The following OR2M3 variants were observed in gnomAD, a reference collection of about 807,000 sequenced individuals.
OR2M3 encodes the protein olfactory receptor 2M3.
In OR2M3, 1 loss-of-function variant was observed where a neutral mutation model predicts 4.3. That is an observed-to-expected ratio of 0.23 (90% CI 0.08 to 1.11). The LOEUF (loss-of-function observed/expected upper bound fraction) is 1.11, where lower values mean the gene tolerates loss of function less well. Ranked by LOEUF, OR2M3 falls within the 50% of genes most tolerant of loss-of-function variation. OR2M3 has a pLI of 0.54. For synonymous variants in OR2M3, 151 were observed against 139.4 expected, an observed-to-expected ratio of 1.08 and a Z score of -0.59; for missense variants, 410 against 390.4, an observed-to-expected ratio of 1.05 and a Z score of -0.42.
Position 248,203,389 on chromosome 1 carries a change from C to T in OR2M3, c.322C>T (p.Leu108Phe). The T allele has an allele frequency of 6.2e-7, 1 of 1,614,076 alleles. No homozygotes were observed. Among genetic ancestry groups the T allele is most frequent in the Non-Finnish European group, 8.5e-7 (1 of 1,179,984 alleles). Reference protein sequence around the residue: ...ATQIFFYTSLLGSECFLLAVM... With the variant: ...ATQIFFYTSLFGSECFLLAVM... ...ACAAATTTTCTTCTATACATCACTG[C>T]TTGGCTCTGAGTGCTTTCTTTTGGC... is the stretch of plus-strand genomic sequence containing the variant. The change falls in exon 2 of 2, where the codon CTT becomes TTT. Residue 108 changes from leucine to phenylalanine, a missense_variant. Physicochemically the swap from Leu to Phe is conservative, Grantham distance 22. Transcript: ENST00000641626.
chr1:248,200,649 C>T (rs140773398), intron 1 of OR2M3, among the ~76,000 whole-genome samples: 7 of 152,282 alleles, frequency 4.6e-5, no homozygotes, highest in African/African-American at 1.4e-4. Flanking sequence ...TATCCTATCT[C>T]ATGAGTGTCA....
rs1666225761 is a variant in OR2M3, at chr1:248,206,520, T to A, written c.*2514T>A. On this transcript the variant is annotated 3_prime_UTR_variant, in exon 2 of 2. Transcript: ENST00000641626. ...GCTTAGAATTTTAATTGTAAAGGGA[T>A]GTGGGATTTCATCAAATGCTTTTTC... 1 of 152,096 alleles carries A rather than the reference T, an allele frequency of 6.6e-6. No homozygotes were observed. 9.4% of individuals were successfully genotyped at this position (152,096 alleles called of 1,614,324 possible).
In OR2M3 at chr1:248,207,162, T is replaced by A. The variant is rs888213264; in HGVS notation, c.*3156T>A. 1.3e-5 allele frequency: 2 copies of A among 152,092 alleles called. No individual in the cohort carries two copies. Among genetic ancestry groups the A allele is most frequent in the Non-Finnish European group, 2.9e-5 (2 of 67,984 alleles). The allele number at this position is 152,092 out of a possible 1,614,324, so 9.4% of individuals were successfully genotyped here. On this transcript the variant is annotated 3_prime_UTR_variant, in exon 2 of 2. Transcript: ENST00000641626. ...ATGGAATCAATTGTAATATCTCCCT[T>A]TTCATTTCTAATTGTGTTTATTTGC... is the stretch of plus-strand genomic sequence containing the variant.
At position 248,205,589 on chromosome 1, in the gene OR2M3, G is replaced by T. The variant is rs1253787179; in HGVS notation, c.*1583G>T. On this transcript the variant is annotated 3_prime_UTR_variant, in exon 2 of 2. Coordinates refer to ENST00000641626, the MANE Select transcript of OR2M3 (RefSeq NM_001004689.2). Reference sequence around the variant, plus strand: ...TCATGTTTTTGTTTGTGTTGTTGAAGATCAGATGGCTGTAAGTATTTTGGT... The same window carrying T: ...TCATGTTTTTGTTTGTGTTGTTGAATATCAGATGGCTGTAAGTATTTTGGT... 4.6e-5 allele frequency: 7 copies of T among 152,108 alleles called. No individual in the cohort carries two copies. The East Asian group carries it at 1.4e-3, about 29-fold the overall frequency. The allele number at this position is 152,108 out of a possible 1,614,324, so 9.4% of individuals were successfully genotyped here. A position where few individuals can be genotyped will look rare whatever the true frequency, so the allele number is the denominator to read the frequency against.
intron 1 of OR2M3, among the ~76,000 whole-genome samples, chr1:248,202,037 C>T (rs1666163549): frequency 6.6e-6 from 1 of 151,994 alleles, no homozygotes; most frequent in Non-Finnish European, 1.5e-5. Flanking sequence ...TATTAGTTTC[C>T]TAGGAATGCC....
Position 248,206,535 on chromosome 1 carries a change from A to C in OR2M3, c.*2529A>C, listed in dbSNP as rs1401790242. On this transcript the variant is annotated 3_prime_UTR_variant, in exon 2 of 2. Coordinates refer to ENST00000641626, the MANE Select transcript of OR2M3 (RefSeq NM_001004689.2). Reference sequence around the variant, plus strand: ...TGTAAAGGGATGTGGGATTTCATCAAATGCTTTTTCTCTGTCTATTGAGAT... The same window carrying C: ...TGTAAAGGGATGTGGGATTTCATCACATGCTTTTTCTCTGTCTATTGAGAT... 1 of 152,046 alleles carries C rather than the reference A, an allele frequency of 6.6e-6. No homozygotes were observed. The highest frequency in any genetic ancestry group is 2.4e-5 in the African/African-American group (1 of 41,396). The allele number at this position is 152,046 out of a possible 1,614,324, so 9.4% of individuals were successfully genotyped here. A position where few individuals can be genotyped will look rare whatever the true frequency, so the allele number is the denominator to read the frequency against.
At position 248,208,426 on chromosome 1, in the gene OR2M3, T is replaced by C. The variant is rs574163947; in HGVS notation, c.*4420T>C. The C allele has an allele frequency of 1.3e-5, 2 of 152,298 alleles. No homozygotes were observed. Among genetic ancestry groups the C allele is most frequent in the East Asian group, 3.9e-4 (2 of 5,188 alleles). The allele number at this position is 152,298 out of a possible 1,614,324, so 9.4% of individuals were successfully genotyped here. ...ATTGTTATATAGGTCCTGTAATATT[T>C]ATGCTTTAAGGAGGCTCTATTTGGT... On this transcript the variant is annotated 3_prime_UTR_variant, in exon 2 of 2. Coordinates refer to ENST00000641626, the MANE Select transcript of OR2M3 (RefSeq NM_001004689.2).
chr1:248,202,006 C>A (rs1043144672), intron 1 of OR2M3, among the ~76,000 whole-genome samples: 6 of 151,940 alleles, frequency 3.9e-5, no homozygotes, highest in Non-Finnish European at 7.4e-5. Flanking sequence ...TGTACTCATT[C>A]TCTAGAGGAG....
At chr1:248,199,255 C>A (rs1405592752) in intron 1 of OR2M3, among the ~76,000 whole-genome samples, 1 of 151,992 alleles carries the variant, frequency 6.6e-6, no homozygotes, top group Non-Finnish European at 1.5e-5. Flanking sequence ...TATGTGAATA[C>A]TTTTGATATG....
chr1:248,209,406 G>T lies in OR2M3; in HGVS notation c.*5400G>T, dbSNP rs1666255842. ...CAGAACCTTGTTTTATCATATTACAGAATTTTTTTTTCTGGTTCCTTCTTA... is the reference window on the plus strand; with the variant it reads ...CAGAACCTTGTTTTATCATATTACATAATTTTTTTTTCTGGTTCCTTCTTA... On this transcript the variant is annotated 3_prime_UTR_variant, in exon 2 of 2. Transcript: ENST00000641626. The T allele has an allele frequency of 6.7e-6, 1 of 150,006 alleles. No homozygotes were observed. Among genetic ancestry groups the T allele is most frequent in the South Asian group, 2.1e-4 (1 of 4,832 alleles). The allele number at this position is 150,006 out of a possible 1,614,324, so 9.3% of individuals were successfully genotyped here.
At chr1:248,199,365 A>C (rs534255574) in intron 1 of OR2M3, among the ~76,000 whole-genome samples, 53 of 152,252 alleles carry the variant, frequency 3.5e-4, no homozygotes, top group Non-Finnish European at 6.9e-4. Context: ...ACAGTGCTGC[A>C]ACTCAAAATA....
rs571648922 is a variant in OR2M3 at position 248,205,013 on chromosome 1, G to A, written c.*1007G>A. ...TGGTATTGCATTGTGGTTTTGATTT[G>A]CATTTCCCTGATAATTAGTGATGTC... On this transcript the variant is annotated 3_prime_UTR_variant, in exon 2 of 2. Coordinates refer to ENST00000641626, the MANE Select transcript of OR2M3 (RefSeq NM_001004689.2). The A allele has an allele frequency of 1.3e-5, 2 of 152,116 alleles. No homozygotes were observed. Among genetic ancestry groups the A allele is most frequent in the East Asian group, 3.9e-4 (2 of 5,180 alleles). 9.4% of individuals were successfully genotyped at this position (152,116 alleles called of 1,614,324 possible).
Position 248,204,157 on chromosome 1 carries a change from CTAT to C in OR2M3, c.*155_*157del. The C allele has an allele frequency of 3.5e-6, 2 of 577,194 alleles. No individual in the cohort carries two copies. Among genetic ancestry groups the C allele is most frequent in the Non-Finnish European group, 2.9e-6 (1 of 342,022 alleles). The allele number at this position is 577,194 out of a possible 1,614,324, so 35.8% of individuals were successfully genotyped here. A position where few individuals can be genotyped will look rare whatever the true frequency, so the allele number is the denominator to read the frequency against. ...ACCTATATAATTTATTTCAGATAAA[CTAT>C]TATAACTATTTATTATTTTATATTC... On this transcript the variant is annotated 3_prime_UTR_variant, in exon 2 of 2. Coordinates refer to ENST00000641626, the MANE Select transcript of OR2M3 (RefSeq NM_001004689.2).
rs1666290053 is a variant in OR2M3 at position 248,212,258 on chromosome 1, A to G, written c.*8252A>G. The G allele has an allele frequency of 6.6e-6, 1 of 152,180 alleles. No individual in the cohort carries two copies. The highest frequency in any genetic ancestry group is 2.1e-4 in the South Asian group (1 of 4,822). 9.4% of individuals were successfully genotyped at this position (152,180 alleles called of 1,614,324 possible). On this transcript the variant is annotated 3_prime_UTR_variant, in exon 2 of 2. Transcript: ENST00000641626. ...TATTAATTCATAATGCTATACATTA[A>G]TGACTCTAGAATATGCATCACAACC...
rs759986972 is a variant in OR2M3, at chr1:248,206,139, G to A, written c.*2133G>A. The A allele has an allele frequency of 2.0e-5, 3 of 151,956 alleles. No homozygotes were observed. The highest frequency in any genetic ancestry group is 6.6e-5 in the Admixed American group (1 of 15,250). The allele number at this position is 151,956 out of a possible 1,614,324, so 9.4% of individuals were successfully genotyped here. The stretch of plus-strand genomic sequence containing the variant: ...GTATATAGCAGAGCTACTGATTTGT[G>A]TACATTAATTGTGTGTCCTGAAACT... On this transcript the variant is annotated 3_prime_UTR_variant, in exon 2 of 2. Coordinates refer to ENST00000641626, the MANE Select transcript of OR2M3 (RefSeq NM_001004689.2).
chr1:248,211,359 T>C lies in OR2M3; in HGVS notation c.*7353T>C, dbSNP rs547023388. 3.9e-5 allele frequency: 6 copies of C among 152,246 alleles called. No homozygotes were observed. The highest frequency in any genetic ancestry group is 6.5e-5 in the Admixed American group (1 of 15,288). The allele number at this position is 152,246 out of a possible 1,614,324, so 9.4% of individuals were successfully genotyped here. A position where few individuals can be genotyped will look rare whatever the true frequency, so the allele number is the denominator to read the frequency against. On this transcript the variant is annotated 3_prime_UTR_variant, in exon 2 of 2. Transcript: ENST00000641626. ...TCACACACTGATCCAACAGAGAAATTGTTTCATTATTTAAATTCTCAGTGG... is the reference window on the plus strand; with the variant it reads ...TCACACACTGATCCAACAGAGAAATCGTTTCATTATTTAAATTCTCAGTGG...
chr1:248,197,969 T>A (rs186304820), intron 1 of OR2M3, among the ~76,000 whole-genome samples: 1 of 152,202 alleles, frequency 6.6e-6, no homozygotes, highest in Admixed American at 6.5e-5. Flanking sequence ...TGAAAAAGAA[T>A]CTGAAATCTG....
rs1666203509 is a variant in OR2M3, at chr1:248,204,493, G to C, written c.*487G>C. 1 of 152,764 alleles carries C rather than the reference G, an allele frequency of 6.5e-6. No homozygotes were observed. Among genetic ancestry groups the C allele is most frequent in the African/African-American group, 2.4e-5 (1 of 41,332 alleles). The allele number at this position is 152,764 out of a possible 1,614,324, so 9.5% of individuals were successfully genotyped here. A position where few individuals can be genotyped will look rare whatever the true frequency, so the allele number is the denominator to read the frequency against. ...ATATGAATGTGAACGTATGATGTTT[G>C]GTTTTTCATTCCTGAGTTACTTTAC... On this transcript the variant is annotated 3_prime_UTR_variant, in exon 2 of 2. Coordinates refer to ENST00000641626, the MANE Select transcript of OR2M3 (RefSeq NM_001004689.2).
At chr1:248,202,716 G>A (rs1425056656) in intron 1 of OR2M3, among the ~76,000 whole-genome samples, 1 of 151,354 alleles carries the variant, frequency 6.6e-6, no homozygotes. Flanking sequence ...CAATGTGTCT[G>A]TAAAAGACTT....
Sources: allele counts gnomAD v4.1 joint callset (sites outside exome capture counted in the v4.1 genomes callset), GRCh38; gene constraint gnomAD v4.1.1; transcripts MANE v1.5; gene names NCBI Gene and HGNC (gene_info 2026-07-23, HGNC 2026-07-21).